Variants in BCL6 observed in about 807,000 individuals in gnomAD.
BCL6 encodes the protein B-cell lymphoma 6 protein.
BCL6 carries 7 observed loss-of-function variants against 59.5 expected under a neutral mutation model. That is an observed-to-expected ratio of 0.12 (90% CI 0.07 to 0.22). The LOEUF is 0.22. Among genes scored for constraint, BCL6 ranks in the 10% least tolerant of loss-of-function variants. The pLI, the probability that BCL6 is intolerant of heterozygous loss-of-function variation, is 1.00. For missense variants in BCL6, 685 were observed against 939.4 expected, an observed-to-expected ratio of 0.73 and a Z score of 3.54; for synonymous variants, 339 against 349.7, an observed-to-expected ratio of 0.97 and a Z score of 0.34.
Position 187,728,436 on chromosome 3 carries a change from C to T in BCL6, c.1464G>A (p.Met488Ile). The change falls in exon 6 of 10, where the codon ATG (methionine) becomes ATA (isoleucine). Residue 488 changes from methionine (M) to isoleucine (I), a missense_variant. By Grantham distance (10) the Met-to-Ile change is conservative (BLOSUM62 1). Transcript: ENST00000406870. ...ACGTGGGGCCAGCGGTGTGGAGGCA[C>T]ATCTCTGCATGCTGTGGGGACTGAG... is the stretch of plus-strand genomic sequence containing the variant. ...CGSQSPQHAE[M>I]CLHTAGPTFP... 1 of 1,612,786 alleles carries T rather than the reference C, an allele frequency of 6.2e-7. No homozygotes were observed. The highest frequency in any genetic ancestry group is 2.2e-5 in the East Asian group (1 of 44,834).
Position 187,725,226 on chromosome 3 carries a change from C to T in BCL6, c.1840-148G>A. 1.5e-6 allele frequency: 2 copies of T among 1,329,446 alleles called. No homozygotes were observed. The highest frequency in any genetic ancestry group is 2.1e-6 in the Non-Finnish European group (2 of 966,738). 82.4% of individuals were successfully genotyped at this position (1,329,446 alleles called of 1,614,324 possible). A position where few individuals can be genotyped will look rare whatever the true frequency, so the allele number is the denominator to read the frequency against. On this transcript the variant is annotated intron_variant, in intron 8 of 9. Coordinates refer to ENST00000406870, the MANE Select transcript of BCL6 (RefSeq NM_001706.5). This position sits in a 1 kb window ranked among gnomAD's most constrained non-coding sequence, Gnocchi z 4.7. ...GGGACTGAGTGGGCCTTTCTGCTGCCCACTCTGCTCACCTGCCCACTCCTC... is the reference window on the plus strand; with the variant it reads ...GGGACTGAGTGGGCCTTTCTGCTGCTCACTCTGCTCACCTGCCCACTCCTC...
intron 1 of BCL6, among the ~76,000 whole-genome samples, chr3:187,744,775 A>T (rs1711818970): frequency 1.3e-5 from 2 of 151,970 alleles, no homozygotes; most frequent in South Asian, 2.1e-4. Flanking sequence ...GGCGAGGAAA[A>T]AGAGGAGGGA....
intron 9 of BCL6, among the ~76,000 whole-genome samples, chr3:187,723,088 C>T (rs988172045): frequency 6.6e-6 from 1 of 152,192 alleles, no homozygotes; most frequent in African/African-American, 2.4e-5. Context: ...TAGGACCTCA[C>T]AGAATATACC....
chr3:187,744,441 G>A (rs573684708), intron 1 of BCL6, among the ~76,000 whole-genome samples: 1 of 152,064 alleles, frequency 6.6e-6, no homozygotes, highest in Non-Finnish European at 1.5e-5. Context: ...TTTTCAAAGT[G>A]TTCAACATCC....
At chr3:187,740,033 G>A (rs6775438) in intron 1 of BCL6, among the ~76,000 whole-genome samples, 147,082 of 152,208 alleles carry the variant, frequency 0.97, 71,264 homozygotes, top group East Asian at 1. Flanking sequence ...GCAGTGGGAG[G>A]GGCCGAACTC....
intron 1 of BCL6, chr3:187,737,372 AG>A (rs1294868247): frequency 8.2e-5 from 12 of 146,290 alleles, no homozygotes; most frequent in African/African-American, 2.2e-4. Context: ...AGAGAGAGAG[AG>A]AGAGAGAGAG....
chr3:187,744,587 A>T, intron 1 of BCL6, among the ~76,000 whole-genome samples: 1 of 152,148 alleles, frequency 6.6e-6, no homozygotes, highest in East Asian at 1.9e-4. Context: ...AAAAAACAAA[A>T]ACAAAAACCC....
rs932648792 is a variant in BCL6, at chr3:187,733,037, C to T, written c.161+496G>A. Among the ~76,000 whole-genome samples, 9 of 152,126 alleles carry T rather than the reference C, an allele frequency of 5.9e-5. No individual in the cohort carries two copies. In the South Asian group the frequency reaches 8.3e-4, roughly 14 times the overall value. On this transcript the variant is annotated intron_variant, in intron 3 of 9. Coordinates refer to ENST00000406870, the MANE Select transcript of BCL6 (RefSeq NM_001706.5). Reference sequence around the variant, plus strand: ...GTAATATAAAATTGCTCTGAAAACTCGAAATACTTGATAAACATGAAGAAT... The same window carrying T: ...GTAATATAAAATTGCTCTGAAAACTTGAAATACTTGATAAACATGAAGAAT...
At position 187,733,611 on chromosome 3, in the gene BCL6, C is replaced by T; in HGVS notation, c.83G>A (p.Arg28Gln). The T allele has an allele frequency of 1.2e-6, 2 of 1,614,102 alleles. No individual in the cohort carries two copies. The highest frequency in any genetic ancestry group is 1.7e-6 in the Non-Finnish European group (2 of 1,180,014). The change falls in exon 3 of 10, where the codon CGA becomes CAA. Residue 28 changes from arginine (R) to glutamine (Q), a missense_variant. Physicochemically the swap from Arg to Gln is conservative, Grantham distance 43. Coordinates refer to ENST00000406870, the MANE Select transcript of BCL6 (RefSeq NM_001706.5). ...AATGACAACATCAGTCAAGATGTCT[C>T]GACTCCGGAGACGATTAAGGTTGAG... ...VLLNLNRLRS[R>Q]DILTDVVIVV...
rs1043642277 is a variant in BCL6 at position 187,728,487 on chromosome 3, G to A, written c.1413C>T (p.His471=). The A allele has an allele frequency of 1.2e-5, 20 of 1,611,662 alleles. No individual in the cohort carries two copies. The African/African-American group carries it at 1.3e-4, about 11-fold the overall frequency. ...SSESHSPLYM[H]PPKCTSCGSQ... ...AGCCGCAGGACGTGCACTTCGGGGGGTGCATGTAGAGTGGTGAGTGGCTCT... is the reference window on the plus strand; with the variant it reads ...AGCCGCAGGACGTGCACTTCGGGGGATGCATGTAGAGTGGTGAGTGGCTCT... Residue 471 remains histidine (H), a synonymous_variant, in exon 6 of 10, where the codon CAC becomes CAT. Transcript: ENST00000406870.
Position 187,729,592 on chromosome 3 carries a change from A to G in BCL6, c.813T>C (p.Ser271=), listed in dbSNP as rs1718920262. Residue 271 remains serine, a synonymous_variant, in exon 5 of 10, where the codon AGT becomes AGC. Coordinates refer to ENST00000406870, the MANE Select transcript of BCL6 (RefSeq NM_001706.5). This position sits in a 1 kb window ranked among gnomAD's most constrained non-coding sequence, Gnocchi z 5.6. ...PKETIPEEAR[S]DMHYSVAEGL... ...CCTCAGCCACACTGTAGTGCATATC[A>G]CTTCGTGCCTCTTCTGGGATTGTTT... is the stretch of plus-strand genomic sequence containing the variant. 6.2e-7 allele frequency: 1 copy of G among 1,613,940 alleles called. No individual in the cohort carries two copies. The highest frequency in any genetic ancestry group is 1.3e-5 in the African/African-American group (1 of 74,876).
chr3:187,737,395 G>GAGAGAGAA (rs1254665083), intron 1 of BCL6: 2 of 127,538 alleles, frequency 1.6e-5, no homozygotes, highest in Non-Finnish European at 3.5e-5. Context: ...GAGAGAGAGA[G>GAGAGAGAA]AAAATGAGAG....
intron 1 of BCL6, among the ~76,000 whole-genome samples, chr3:187,744,782 G>T (rs923500936): frequency 2.0e-5 from 3 of 151,052 alleles, no homozygotes; most frequent in African/African-American, 4.8e-5. Flanking sequence ...AAAAAGAGGA[G>T]GGAGGGAAGC....
At chr3:187,724,855 G>A (rs750747913) in intron 9 of BCL6, 86 bp downstream of exon 9, 64 of 1,565,662 alleles carry the variant, frequency 4.1e-5, no homozygotes, top group Non-Finnish European at 5.3e-5. Context: ...CTGCCTCCCT[G>A]CTCCACCTCC....
At chr3:187,738,666 T>C (rs1719401296) in intron 1 of BCL6, among the ~76,000 whole-genome samples, 1 of 152,112 alleles carries the variant, frequency 6.6e-6, no homozygotes, top group Admixed American at 6.5e-5. Flanking sequence ...TTTCGGGGGC[T>C]AGGGGACAGC....
At chr3:187,739,712 C>T (rs1313107955) in intron 1 of BCL6, among the ~76,000 whole-genome samples, 1 of 152,122 alleles carries the variant, frequency 6.6e-6, no homozygotes, top group African/African-American at 2.4e-5. Flanking sequence ...CAGAAGGGCC[C>T]GAAGACAATG....
intron 1 of BCL6, among the ~76,000 whole-genome samples, chr3:187,739,078 G>A (rs560329937): frequency 2.6e-5 from 4 of 152,188 alleles, no homozygotes; most frequent in African/African-American, 7.2e-5. Context: ...AGTTTGGCCA[G>A]AGCCTCCCGA....
intron 1 of BCL6, among the ~76,000 whole-genome samples, 168 bp downstream of exon 1, chr3:187,745,242 A>C: frequency 1.3e-5 from 2 of 152,286 alleles, no homozygotes; most frequent in East Asian, 1.9e-4. Context: ...TTATATCAAT[A>C]GATACACATA....
chr3:187,744,137 T>C (rs1560160669), intron 1 of BCL6, among the ~76,000 whole-genome samples: 2 of 151,862 alleles, frequency 1.3e-5, no homozygotes, highest in Admixed American at 6.6e-5. Flanking sequence ...AAAAATAAAA[T>C]AAAATTTAGG....
Sources: gnomAD v4.1 joint callset for allele counts (sites outside exome capture counted in the v4.1 genomes callset) on GRCh38, gnomAD v4.1.1 for gene constraint, Gnocchi (gnomAD v3.1) non-coding constraint, MANE v1.5 for transcripts, NCBI Gene and HGNC (gene_info 2026-07-23, HGNC 2026-07-21) for gene names.